ABCC4: variants seen among roughly 807,000 people sequenced by gnomAD.
ABCC4 encodes the protein ATP binding cassette subfamily C member 4 (PEL blood group).
In ABCC4, 102 loss-of-function variants were observed where a neutral mutation model predicts 168.5. That is an observed-to-expected ratio of 0.61 (90% CI 0.52 to 0.71). The LOEUF is 0.71. Ranked by LOEUF, ABCC4 falls within the 30% of genes least tolerant of loss-of-function variation. The pLI is 0.00. For synonymous variants in ABCC4, 617 were observed against 590.7 expected (o/e 1.04, Z -0.65); for missense variants, 1,402 against 1,605.8 (o/e 0.87, Z 2.17).
At chr13:95,255,818 A>C (rs1012280980) in intron 1 of ABCC4, among the ~76,000 whole-genome samples, 1 of 152,114 alleles carries the variant, frequency 6.6e-6, no homozygotes, top group East Asian at 1.9e-4. Flanking sequence ...TAGGCACCTC[A>C]GAGATTTCCT....
chr13:95,038,347 AG>A (rs1291832094), intron 29 of ABCC4, among the ~76,000 whole-genome samples: 9 of 135,756 alleles, frequency 6.6e-5, no homozygotes, highest in Non-Finnish European at 9.2e-5. Context: ...GGTAAGTCCC[AG>A]CCCCTGCTTT....
chr13:95,108,059 A>C (rs1035293534), intron 20 of ABCC4, among the ~76,000 whole-genome samples: 2 of 152,328 alleles, frequency 1.3e-5, no homozygotes, highest in Admixed American at 1.3e-4. Flanking sequence ...GGTTTATCAT[A>C]AAACCAGGAA....
rs1466128355 is a variant in ABCC4, at chr13:95,164,730, T to C, written c.2035-212A>G. Among the ~76,000 whole-genome samples the C allele has an allele frequency of 1.3e-5, 2 of 152,132 alleles. 1 individual carries two copies. Among genetic ancestry groups the C allele is most frequent in the Admixed American group, 1.3e-4 (2 of 15,270 alleles). Reference sequence around the variant, plus strand: ...TTTTTTTGACTCAGAATTTTGCTCATGTTTCCCAGGCTGGAGTGTAGTGGC... The same window carrying C: ...TTTTTTTGACTCAGAATTTTGCTCACGTTTCCCAGGCTGGAGTGTAGTGGC... On this transcript the variant is annotated intron_variant, in intron 15 of 30. Transcript: ENST00000645237.
chr13:95,227,640 T>C (rs1011892455), intron 4 of ABCC4, among the ~76,000 whole-genome samples: 4 of 152,200 alleles, frequency 2.6e-5, no homozygotes, highest in Admixed American at 1.3e-4. Flanking sequence ...TACAGACTAA[T>C]AGACAAAAGA....
chr13:95,033,880 T>G (rs546866787), intron 30 of ABCC4, among the ~76,000 whole-genome samples: 5 of 152,150 alleles, frequency 3.3e-5, no homozygotes, highest in African/African-American at 7.2e-5. Flanking sequence ...CAGGCTGGTC[T>G]CAGACTCCCA....
Position 95,258,181 on chromosome 13 carries a change from T to A in ABCC4, c.75-10428A>T, listed in dbSNP as rs146091226. Among the ~76,000 whole-genome samples the A allele has an allele frequency of 2.5e-3, 374 of 152,300 alleles. 2 individuals carry two copies. Among genetic ancestry groups the A allele is most frequent in the African/African-American group, 8.6e-3 (358 of 41,560 alleles). On this transcript the variant is annotated intron_variant, in intron 1 of 30. Coordinates refer to ENST00000645237, the MANE Select transcript of ABCC4 (RefSeq NM_005845.5). ...TGGCCTACCCACCTTCACCCTTGGT[T>A]TCCCTGTGATCTTTCAATAGAAAAG...
At chr13:95,062,477 T>A (rs542596424) in intron 26 of ABCC4, among the ~76,000 whole-genome samples, 1 of 101,320 alleles carries the variant, frequency 9.9e-6, no homozygotes, top group East Asian at 2.6e-4. Context: ...CTGCGTAAGT[T>A]ATTAAATATC....
chr13:95,132,487 G>T (rs1233779279), intron 19 of ABCC4, among the ~76,000 whole-genome samples: 1 of 152,068 alleles, frequency 6.6e-6, no homozygotes, highest in Non-Finnish European at 1.5e-5. Context: ...GAAATGCTGG[G>T]ATTACAAGTG....
chr13:95,248,770 T>G (rs1243939117), intron 1 of ABCC4, among the ~76,000 whole-genome samples: 1 of 152,084 alleles, frequency 6.6e-6, no homozygotes, highest in African/African-American at 2.4e-5. Flanking sequence ...AGAAAAAGGC[T>G]GGGCAGTGGC....
At chr13:95,089,557 C>T (rs139342144) in intron 20 of ABCC4, among the ~76,000 whole-genome samples, 142 of 152,214 alleles carry the variant, frequency 9.3e-4, no homozygotes, top group African/African-American at 3.2e-3. Context: ...GCTGAGATCA[C>T]GCCACTGCAC....
At chr13:95,220,731 G>C (rs145989055) in intron 4 of ABCC4, among the ~76,000 whole-genome samples, 162 of 152,234 alleles carry the variant, frequency 1.1e-3, no homozygotes, top group Middle Eastern at 6.8e-3. Flanking sequence ...CCACTTTCTC[G>C]ACTCTATGAT....
intron 19 of ABCC4, among the ~76,000 whole-genome samples, chr13:95,149,858 A>G (rs2036616836): frequency 6.6e-6 from 1 of 152,206 alleles, no homozygotes; most frequent in African/African-American, 2.4e-5. Context: ...GAATGAGACC[A>G]GTCACTGAAG....
At chr13:95,195,780 T>C (rs2038397450) in intron 8 of ABCC4, among the ~76,000 whole-genome samples, 1 of 152,018 alleles carries the variant, frequency 6.6e-6, no homozygotes, top group Non-Finnish European at 1.5e-5. Context: ...ATTACAGGTG[T>C]CTGCCACCAT....
intron 4 of ABCC4, among the ~76,000 whole-genome samples, chr13:95,218,994 AG>A (rs74518138): frequency 0.29 from 31,104 of 106,318 alleles, 6,187 homozygotes; most frequent in Non-Finnish European, 0.35. Flanking sequence ...AGAGTGAGAA[AG>A]AAAGAAAGAG....
intron 1 of ABCC4, among the ~76,000 whole-genome samples, chr13:95,281,558 T>C (rs2041126988): frequency 6.6e-6 from 1 of 152,110 alleles, no homozygotes; most frequent in Non-Finnish European, 1.5e-5. Context: ...TTTATGAAGA[T>C]TGGTTCCACA....
intron 20 of ABCC4, among the ~76,000 whole-genome samples, chr13:95,086,367 A>G (rs1248055862): frequency 6.6e-6 from 1 of 152,238 alleles, no homozygotes; most frequent in Non-Finnish European, 1.5e-5. Context: ...TAATAAATAT[A>G]TAAAACCTCA....
intron 20 of ABCC4, among the ~76,000 whole-genome samples, chr13:95,114,261 A>G (rs911111864): frequency 6.6e-6 from 1 of 152,204 alleles, no homozygotes; most frequent in Non-Finnish European, 1.5e-5. Context: ...TTATATTGAC[A>G]TCAAGTAGCA....
intron 20 of ABCC4, among the ~76,000 whole-genome samples, chr13:95,103,634 C>T (rs2034891854): frequency 6.6e-6 from 1 of 152,166 alleles, no homozygotes; most frequent in Admixed American, 6.5e-5. Context: ...TTTCATTAGC[C>T]ACACAAGGCA....
At chr13:95,231,568 C>T (rs116207319) in intron 4 of ABCC4, among the ~76,000 whole-genome samples, 2,477 of 152,200 alleles carry the variant, frequency 0.016, 64 homozygotes, top group African/African-American at 0.052. Flanking sequence ...CAGCCTCTGC[C>T]CCAAGGAAGC....
Sources: allele counts gnomAD v4.1 joint callset (sites outside exome capture counted in the v4.1 genomes callset), GRCh38; gene constraint gnomAD v4.1.1; transcripts MANE v1.5; gene names NCBI Gene and HGNC (gene_info 2026-07-23, HGNC 2026-07-21).